The following CNTNAP4 variants were observed in gnomAD, a reference collection of about 807,000 sequenced individuals.
The protein encoded by CNTNAP4 is contactin-associated protein-like 4.
CNTNAP4 carries 98 observed loss-of-function variants against 148.4 expected under a neutral mutation model. The ratio of observed to expected loss-of-function variants is 0.66; its 90% CI spans 0.56 to 0.78. CNTNAP4 has a LOEUF of 0.78. Ranked by LOEUF, CNTNAP4 falls within the 30% of genes least tolerant of loss-of-function variation. The pLI is 0.00. For missense variants in CNTNAP4, 1,935 were observed against 1,565.6 expected (o/e 1.24, Z -3.98); for synonymous variants, 730 against 565.1 (o/e 1.29, Z -4.14).
chr16:76,314,383 G>C (rs137979661), intron 1 of CNTNAP4, among the ~76,000 whole-genome samples: 14 of 152,312 alleles, frequency 9.2e-5, no homozygotes, highest in East Asian at 3.9e-4. Flanking sequence ...TCGATAGACA[G>C]AGTAGGGCAT....
chr16:76,306,666 T>C (rs1180735878), intron 1 of CNTNAP4, among the ~76,000 whole-genome samples: 1 of 152,154 alleles, frequency 6.6e-6, no homozygotes, highest in Non-Finnish European at 1.5e-5. Context: ...CAATTCCAAA[T>C]CAATTTATCA....
chr16:76,528,452 G>A (rs1412556846), intron 17 of CNTNAP4, among the ~76,000 whole-genome samples: 2 of 152,084 alleles, frequency 1.3e-5, no homozygotes, highest in Admixed American at 1.3e-4. Context: ...TTTTTGTAGA[G>A]ACGCAGTCTC....
chr16:76,311,771 C>G (rs187883224), intron 1 of CNTNAP4, among the ~76,000 whole-genome samples: 5 of 152,244 alleles, frequency 3.3e-5, no homozygotes, highest in African/African-American at 1.2e-4. Flanking sequence ...TGTTTGGTTA[C>G]TCGATTACTA....
At chr16:76,547,852 C>G (rs2084801452) in intron 21 of CNTNAP4, among the ~76,000 whole-genome samples, 1 of 152,168 alleles carries the variant, frequency 6.6e-6, no homozygotes, top group South Asian at 2.1e-4. Flanking sequence ...TACTGAATCT[C>G]CCCAGAAGAG....
intron 1 of CNTNAP4, among the ~76,000 whole-genome samples, chr16:76,301,835 G>C (rs372877875): frequency 1.1e-4 from 17 of 152,272 alleles, no homozygotes; most frequent in African/African-American, 4.1e-4. Flanking sequence ...GTGATTGGCA[G>C]TGGGGAAAAA....
intron 8 of CNTNAP4, 107 bp from the exon 9 acceptor site, chr16:76,461,847 TAG>T (rs2080974537): frequency 1.2e-6 from 1 of 804,652 alleles, no homozygotes. Context: ...TAATTAATAA[TAG>T]AGTTAAGTAC....
chr16:76,471,901 C>T (rs2081390906), intron 10 of CNTNAP4, among the ~76,000 whole-genome samples: 1 of 152,142 alleles, frequency 6.6e-6, no homozygotes, highest in East Asian at 1.9e-4. Context: ...AAGTTTATTT[C>T]CCTAAATGTG....
chr16:76,399,148 G>T (rs1205621620), intron 3 of CNTNAP4, among the ~76,000 whole-genome samples: 1 of 152,168 alleles, frequency 6.6e-6, no homozygotes, highest in African/African-American at 2.4e-5. Context: ...GGAACTGTGA[G>T]TCCCTTAAAC....
chr16:76,389,301 G>A (rs923084298), intron 3 of CNTNAP4, among the ~76,000 whole-genome samples: 109 of 152,244 alleles, frequency 7.2e-4, no homozygotes, highest in African/African-American at 2.5e-3. Context: ...TATCAACTAA[G>A]GCATCTTAGT....
chr16:76,355,920 G>A (rs1411338029), intron 3 of CNTNAP4, among the ~76,000 whole-genome samples: 1 of 151,170 alleles, frequency 6.6e-6, no homozygotes, highest in Non-Finnish European at 1.5e-5. Context: ...CTGTCACCCA[G>A]GCTGGTTGCA....
At chr16:76,531,690 T>C (rs1404480512) in intron 17 of CNTNAP4, among the ~76,000 whole-genome samples, 1 of 152,186 alleles carries the variant, frequency 6.6e-6, no homozygotes, top group Non-Finnish European at 1.5e-5. Flanking sequence ...TTAATTAAGC[T>C]TTCAAGCCCA....
chr16:76,416,578 T>C (rs12149071), intron 3 of CNTNAP4, among the ~76,000 whole-genome samples: 57,344 of 150,836 alleles, frequency 0.38, 11,042 homozygotes, highest in Middle Eastern at 0.47. Context: ...AATTTATAGT[T>C]TAATTCCTTT....
At chr16:76,346,978 A>G (rs1367070832) in intron 2 of CNTNAP4, among the ~76,000 whole-genome samples, 1 of 152,204 alleles carries the variant, frequency 6.6e-6, no homozygotes, top group Non-Finnish European at 1.5e-5. Context: ...AAAACAGAAG[A>G]CAATTTAGTG....
intron 3 of CNTNAP4, among the ~76,000 whole-genome samples, chr16:76,364,233 C>CAAAAAA (rs58589609): frequency 4.4e-4 from 21 of 48,176 alleles, no homozygotes; most frequent in African/African-American, 5.5e-4. Flanking sequence ...GATTCCATCT[C>CAAAAAA]AAAAAAAAAA....
chr16:76,330,649 A>G (rs976298117), intron 2 of CNTNAP4, among the ~76,000 whole-genome samples: 1 of 152,234 alleles, frequency 6.6e-6, no homozygotes, highest in African/African-American at 2.4e-5. Context: ...CTAACAGTAT[A>G]GTTTCTCTTA....
intron 2 of CNTNAP4, 50 bp from the exon 3 acceptor site, chr16:76,355,268 T>A (rs780472049): frequency 7.2e-7 from 1 of 1,387,408 alleles, no homozygotes; most frequent in South Asian, 1.6e-5. Flanking sequence ...CATAGATTTT[T>A]AACTAACTTT....
intron 14 of CNTNAP4, among the ~76,000 whole-genome samples, chr16:76,496,107 G>GTGTGTGTGTGTGTGTGTGTGTGTA (rs1555576715): frequency 1.8e-4 from 27 of 151,084 alleles, no homozygotes; most frequent in Admixed American, 1.3e-3. Context: ...GTGTGTGTGT[G>GTGTGTGTGTGTGTGTGTGTGTGTA]CGTGTATTTC....
At chr16:76,359,176 C>G (rs994454249) in intron 3 of CNTNAP4, among the ~76,000 whole-genome samples, 1 of 151,940 alleles carries the variant, frequency 6.6e-6, no homozygotes, top group Non-Finnish European at 1.5e-5. Flanking sequence ...GTGTATTTCC[C>G]AACTTTTTGT....
chr16:76,316,908 A>G (rs2866710), intron 2 of CNTNAP4, among the ~76,000 whole-genome samples: 49,030 of 151,980 alleles, frequency 0.32, 8,362 homozygotes, highest in African/African-American at 0.36. Flanking sequence ...TGGATTCTCA[A>G]TGTGGTTGAC....
Sources: gnomAD v4.1 joint callset for allele counts (sites outside exome capture counted in the v4.1 genomes callset) on GRCh38, gnomAD v4.1.1 for gene constraint, MANE v1.5 for transcripts, NCBI Gene and HGNC (gene_info 2026-07-23, HGNC 2026-07-21) for gene names.